Variants in TP53BP2 observed in about 807,000 individuals in gnomAD.
TP53BP2 encodes the protein tumor protein p53 binding protein 2.
TP53BP2 carries 62 observed loss-of-function variants against 126.2 expected under a neutral mutation model. The observed-to-expected ratio is 0.49, with a 90% CI of 0.40 to 0.61. The LOEUF (loss-of-function observed/expected upper bound fraction) is 0.61. Among genes scored for constraint, TP53BP2 ranks in the 20% least tolerant of loss-of-function variants. The probability of loss-of-function intolerance (pLI) is 0.00; values close to 1 mark genes in which losing one functional copy is unlikely to be tolerated. For missense variants in TP53BP2, 1,215 were observed against 1,402.8 expected (o/e 0.87, Z 2.14); for synonymous variants, 485 against 502.9 (o/e 0.96, Z 0.48).
intron 2 of TP53BP2, among the ~76,000 whole-genome samples, chr1:223,816,903 T>C (rs936890608): frequency 5.3e-5 from 8 of 150,692 alleles, no homozygotes; most frequent in Non-Finnish European, 1.2e-4. Flanking sequence ...CTCACACCTG[T>C]AATCCCAACA....
intron 1 of TP53BP2, among the ~76,000 whole-genome samples, chr1:223,831,477 AAAAATATAT>A (rs1320569962): frequency 1.2e-3 from 49 of 42,008 alleles, no homozygotes; most frequent in Admixed American, 5.3e-3. Context: ...AAAAAAAAAA[AAAAATATAT>A]ATATATATAT....
At position 223,806,876 on chromosome 1, in the gene TP53BP2, A is replaced by G. The variant is rs773044142; in HGVS notation, c.444T>C (p.Ile148=). Residue 148 remains isoleucine, a synonymous_variant, in exon 5 of 18, where the codon ATT becomes ATC. Transcript: ENST00000343537. ...QEMASRQQQQ[I]EAQQQLLATK... ...TTGCCAGCAATTGTTGCTGGGCTTC[A>G]ATCTGTTGCTGCTGGCGAGATGCCA... The G allele has an allele frequency of 6.2e-7, 1 of 1,614,060 alleles. No homozygotes were observed. The highest frequency in any genetic ancestry group is 8.5e-7 in the Non-Finnish European group (1 of 1,179,960).
rs961452787 is a variant in TP53BP2 at position 223,790,830 on chromosome 1, T to C, written c.2996+1559A>G. ...TCTGTTGCCCAGGCTGATCTCAAACTCCTGGGCTCAAGTGATCTTCTGCTT... is the reference window on the plus strand; with the variant it reads ...TCTGTTGCCCAGGCTGATCTCAAACCCCTGGGCTCAAGTGATCTTCTGCTT... On this transcript the variant is annotated intron_variant, in intron 15 of 17. Transcript: ENST00000343537. Among the ~76,000 whole-genome samples, 15 of 151,970 alleles carry C rather than the reference T, an allele frequency of 9.9e-5. 1 individual carries two copies. The highest frequency in any genetic ancestry group is 1.5e-5 in the Non-Finnish European group (1 of 67,998).
chr1:223,788,959 G>A (rs1168930365), intron 16 of TP53BP2, 49 bp downstream of exon 16: 1 of 1,573,038 alleles, frequency 6.4e-7, no homozygotes, highest in Non-Finnish European at 8.7e-7. Context: ...TGGAGATACA[G>A]AATAAATGAA....
rs932719942 is a variant in TP53BP2, at chr1:223,796,003, T to C, written c.2536A>G (p.Asn846Asp). The C allele has an allele frequency of 6.2e-7, 1 of 1,613,964 alleles. No individual in the cohort carries two copies. ...LDYEPEGVPD[N>D]SPNLQNNPEE... ...GGGTTATTCTGGAGATTTGGGCTGT[T>C]GTCTGGGACTCCCTCAGGCTCATAA... Residue 846 changes from asparagine (N) to aspartate (D), a missense_variant, in exon 13 of 18, where the codon AAC (asparagine) becomes GAC (aspartate). Coordinates refer to ENST00000343537, the MANE Select transcript of TP53BP2 (RefSeq NM_001031685.3). This position sits in a 1 kb window ranked among gnomAD's most constrained non-coding sequence, Gnocchi z 4.2.
chr1:223,810,578 C>A, intron 3 of TP53BP2, 65 bp from the exon 4 acceptor site: 2 of 1,116,210 alleles, frequency 1.8e-6, no homozygotes, highest in Middle Eastern at 2.0e-4. Context: ...AGAACCAGTT[C>A]ATTTCTGAGT....
chr1:223,796,092 G>A lies in TP53BP2; in HGVS notation c.2447C>T (p.Pro816Leu), dbSNP rs1407796156. 1.2e-6 allele frequency: 2 copies of A among 1,614,174 alleles called. No individual in the cohort carries two copies. The highest frequency in any genetic ancestry group is 2.2e-5 in the South Asian group (2 of 91,084). Reference sequence around the variant, plus strand: ...TGTACTGGCATTCCCCACATCCTCTGGGGACAATGATTCAGGAACCAGAGA... The same window carrying A: ...TGTACTGGCATTCCCCACATCCTCTAGGGACAATGATTCAGGAACCAGAGA... ...VVSLVPESLS[P>L]EDVGNASTEN... Residue 816 changes from proline to leucine, a missense_variant, in exon 13 of 18, where the codon CCA becomes CTA. This residue lies in a region of TP53BP2 where 204 missense variants were observed against 225.7 expected (regional missense o/e 0.90). Transcript: ENST00000343537. The surrounding 1 kb of genome is among the most constrained non-coding windows in gnomAD (Gnocchi z 4.2).
chr1:223,828,718 T>C (rs74326843), intron 1 of TP53BP2, among the ~76,000 whole-genome samples: 2,230 of 152,346 alleles, frequency 0.015, 22 homozygotes, highest in Middle Eastern at 0.024. Flanking sequence ...CGCTAAGTGA[T>C]AGAAGCCAGA....
chr1:223,787,960 T>C (rs1468829295), intron 16 of TP53BP2, among the ~76,000 whole-genome samples: 1 of 151,938 alleles, frequency 6.6e-6, no homozygotes, highest in Non-Finnish European at 1.5e-5. Flanking sequence ...TCCCAGCTAT[T>C]TGAAAGACTG....
chr1:223,784,036 G>C lies in TP53BP2; in HGVS notation c.3363+79C>G, dbSNP rs895823423. 5.5e-6 allele frequency: 7 copies of C among 1,272,274 alleles called. No homozygotes were observed. In the African/African-American group the frequency reaches 8.8e-5, roughly 16 times the overall value. 78.8% of individuals were successfully genotyped at this position (1,272,274 alleles called of 1,614,324 possible). On this transcript the variant is annotated intron_variant, in intron 17 of 17. Coordinates refer to ENST00000343537, the MANE Select transcript of TP53BP2 (RefSeq NM_001031685.3). Reference sequence around the variant, plus strand: ...TTAACAAAGGGCAGTTTGGTGCACTGTACACATAACATACAGCAGTTTTTA... The same window carrying C: ...TTAACAAAGGGCAGTTTGGTGCACTCTACACATAACATACAGCAGTTTTTA...
chr1:223,836,244 T>C (rs369803485), intron 1 of TP53BP2, among the ~76,000 whole-genome samples: 3 of 152,214 alleles, frequency 2.0e-5, no homozygotes, highest in African/African-American at 7.2e-5. Flanking sequence ...GAGCACGTCA[T>C]GGAGGGCAAT....
At chr1:223,794,922 G>T (rs1281105168) in intron 13 of TP53BP2, among the ~76,000 whole-genome samples, 2 of 152,118 alleles carry the variant, frequency 1.3e-5, no homozygotes, top group Non-Finnish European at 2.9e-5. Context: ...AACATGCAAA[G>T]TACATTTAAA....
At chr1:223,826,875 A>T (rs913399896) in intron 1 of TP53BP2, among the ~76,000 whole-genome samples, 1 of 152,142 alleles carries the variant, frequency 6.6e-6, no homozygotes, top group Non-Finnish European at 1.5e-5. Flanking sequence ...ATTAATAGCA[A>T]AGGTGGTGAA....
chr1:223,794,157 A>T (rs1293717703), intron 13 of TP53BP2, among the ~76,000 whole-genome samples: 1 of 145,980 alleles, frequency 6.9e-6, no homozygotes, highest in African/African-American at 2.5e-5. Flanking sequence ...AATCGGACTT[A>T]AAAAAAAAAA....
At chr1:223,809,144 G>A (rs1662824762) in intron 4 of TP53BP2, among the ~76,000 whole-genome samples, 2 of 152,130 alleles carry the variant, frequency 1.3e-5, no homozygotes, top group Admixed American at 1.3e-4. Context: ...CTGGCTTCAA[G>A]TCATCCTCAT....
intron 1 of TP53BP2, among the ~76,000 whole-genome samples, chr1:223,830,619 T>C (rs192254156): frequency 2.2e-4 from 33 of 150,438 alleles, no homozygotes; most frequent in Admixed American, 2.2e-3. Flanking sequence ...TATAGTAAGA[T>C]GGAAAACTAA....
chr1:223,790,880 C>T (rs1248823990), intron 15 of TP53BP2, among the ~76,000 whole-genome samples: 2 of 152,096 alleles, frequency 1.3e-5, no homozygotes, highest in Non-Finnish European at 2.9e-5. Context: ...GCTAGGATTA[C>T]AGGTATTAGC....
At position 223,845,742 on chromosome 1, in the gene TP53BP2, C is replaced by A; in HGVS notation, c.-62G>T. The A allele has an allele frequency of 6.9e-7, 1 of 1,454,220 alleles. No individual in the cohort carries two copies. Among genetic ancestry groups the A allele is most frequent in the Middle Eastern group, 1.9e-4 (1 of 5,304 alleles). 90.1% of individuals were successfully genotyped at this position (1,454,220 alleles called of 1,614,324 possible). A position where few individuals can be genotyped will look rare whatever the true frequency, so the allele number is the denominator to read the frequency against. On this transcript the variant is annotated 5_prime_UTR_variant, in exon 1 of 18. Coordinates refer to ENST00000343537, the MANE Select transcript of TP53BP2 (RefSeq NM_001031685.3). ...GAGGTGCCCCGGAGGGTCGCGGATG[C>A]GGGGGAGGGGAGCGGAGAGCGAGGC...
At chr1:223,831,126 T>C (rs954399131) in intron 1 of TP53BP2, among the ~76,000 whole-genome samples, 2 of 150,354 alleles carry the variant, frequency 1.3e-5, no homozygotes, top group African/African-American at 2.5e-5. Flanking sequence ...CTCCTGCCTG[T>C]AATCTCAGTA....
Sources: allele counts gnomAD v4.1 joint callset (sites outside exome capture counted in the v4.1 genomes callset), GRCh38; gene constraint gnomAD v4.1.1; regional missense constraint gnomAD v4.1.1; non-coding constraint Gnocchi (gnomAD v3.1); transcripts MANE v1.5; gene names NCBI Gene and HGNC (gene_info 2026-07-23, HGNC 2026-07-21).